RPA3: variants seen among roughly 807,000 people sequenced by gnomAD.
RPA3 encodes replication protein A3.
Under a neutral mutation model 13.7 loss-of-function variants are expected in RPA3, and 24 were observed. The observed-to-expected ratio is 1.75, with a 90% confidence interval of 1.27 to 2.46. The LOEUF is 2.46. Ranked by LOEUF, RPA3 falls within the 30% of genes most tolerant of loss-of-function variation. The pLI is 0.00. For synonymous variants in RPA3, 59 were observed against 51.2 expected (o/e 1.15, Z -0.65); for missense variants, 183 against 151.0 (o/e 1.21, Z -1.11).
At chr7:7,639,438 C>T (rs1029537179) in intron 5 of RPA3, among the ~76,000 whole-genome samples, 1 of 152,142 alleles carries the variant, frequency 6.6e-6, no homozygotes, top group East Asian at 1.9e-4. Flanking sequence ...AGGATGCCCA[C>T]CCTAAAAGTG....
chr7:7,673,403 C>A, intron 4 of RPA3: 1 of 1,119,798 alleles, frequency 8.9e-7, no homozygotes, highest in Non-Finnish European at 1.3e-6. Context: ...CCTCCGGAAT[C>A]TAAAAAGCCC....
intron 4 of RPA3, among the ~76,000 whole-genome samples, chr7:7,666,061 G>A (rs923885323): frequency 1.3e-5 from 2 of 152,074 alleles, no homozygotes; most frequent in African/African-American, 4.8e-5. Flanking sequence ...ATATGTTTAT[G>A]TTTTTAAGAA....
chr7:7,674,809 A>G (rs1253897651), intron 4 of RPA3, among the ~76,000 whole-genome samples: 3 of 152,204 alleles, frequency 2.0e-5, no homozygotes. Context: ...TAGCCTCGCT[A>G]ACAGAAAACT....
At chr7:7,671,305 T>A (rs1405681539) in intron 4 of RPA3, among the ~76,000 whole-genome samples, 1 of 152,216 alleles carries the variant, frequency 6.6e-6, no homozygotes, top group Admixed American at 6.5e-5. Flanking sequence ...CCCTCTTCTC[T>A]TTATTTATTT....
rs190109494 is a variant in RPA3, at chr7:7,665,782, A to T, written c.-758+20048T>A. On this transcript the variant is annotated intron_variant, in intron 4 of 7. Transcript: ENST00000223129. Reference sequence around the variant, plus strand: ...TTGAGAAGCTTATATAAATGGAATCATATAGTATGAACTTTTATATTGTCT... The same window carrying T: ...TTGAGAAGCTTATATAAATGGAATCTTATAGTATGAACTTTTATATTGTCT... 3.1e-3 allele frequency among the ~76,000 whole-genome samples: 461 copies of T among 150,544 alleles called. 3 individuals carry two copies. The highest frequency in any genetic ancestry group is 0.025 in the South Asian group (119 of 4,760).
chr7:7,691,162 T>A (rs2115136720), intron 2 of RPA3, among the ~76,000 whole-genome samples: 1 of 152,300 alleles, frequency 6.6e-6, no homozygotes, highest in South Asian at 2.1e-4. Context: ...GCTGATGGAA[T>A]TTTAGGTTTT....
chr7:7,685,947 G>C lies in RPA3; in HGVS notation c.-875C>G, dbSNP rs954505031. The C allele has an allele frequency of 6.6e-6, 1 of 152,112 alleles. No homozygotes were observed. Among genetic ancestry groups the C allele is most frequent in the Admixed American group, 6.6e-5 (1 of 15,266 alleles). The allele number at this position is 152,112 out of a possible 1,614,324, so 9.4% of individuals were successfully genotyped here. ...TTCTTGAGCACTTTCTCTATCCCAGGTGCTCTCCTGCTTGGTTAGGGATGC... is the reference window on the plus strand; with the variant it reads ...TTCTTGAGCACTTTCTCTATCCCAGCTGCTCTCCTGCTTGGTTAGGGATGC... On this transcript the variant is annotated 5_prime_UTR_variant, in exon 4 of 8. Coordinates refer to ENST00000223129, the MANE Select transcript of RPA3 (RefSeq NM_002947.5).
intron 2 of RPA3, among the ~76,000 whole-genome samples, chr7:7,713,654 G>A (rs1032347726): frequency 1.3e-5 from 2 of 151,318 alleles, no homozygotes; most frequent in Non-Finnish European, 2.9e-5. Context: ...GTTTCATTTT[G>A]ACTTTTTAAG....
chr7:7,704,779 A>AT (rs1288708430), intron 2 of RPA3, among the ~76,000 whole-genome samples: 1 of 149,772 alleles, frequency 6.7e-6, no homozygotes, highest in Non-Finnish European at 1.5e-5. Flanking sequence ...AAAAAAAAAA[A>AT]AAAAAAAAAA....
At chr7:7,689,873 G>T (rs1213115882) in intron 2 of RPA3, among the ~76,000 whole-genome samples, 2 of 152,170 alleles carry the variant, frequency 1.3e-5, no homozygotes, top group African/African-American at 4.8e-5. Flanking sequence ...CTACAAAGCA[G>T]CTAGTGATTA....
chr7:7,676,317 T>C (rs1273692642), intron 4 of RPA3: 1 of 393,936 alleles, frequency 2.5e-6, no homozygotes, highest in Non-Finnish European at 4.5e-6. Flanking sequence ...GTGTGTAAAA[T>C]GTTTAGAAAA....
intron 4 of RPA3, among the ~76,000 whole-genome samples, chr7:7,665,021 A>T (rs1445279340): frequency 2.6e-5 from 4 of 152,188 alleles, no homozygotes; most frequent in Admixed American, 6.5e-5. Context: ...ATATACACAC[A>T]CACACACATT....
intron 4 of RPA3, chr7:7,673,545 T>G (rs1779665130): frequency 9.3e-6 from 6 of 647,168 alleles, no homozygotes; most frequent in Non-Finnish European, 1.4e-5. Flanking sequence ...AAATTATTTC[T>G]TATAATTTCA....
rs1785089383 is a variant in RPA3, at chr7:7,646,169, C to T, written c.-757-4994G>A. ...GTCAGTGTGACAGCCTTTTTGGGTTCCCACACCCAGTGCATCCTGAATTCT... is the reference window on the plus strand; with the variant it reads ...GTCAGTGTGACAGCCTTTTTGGGTTTCCACACCCAGTGCATCCTGAATTCT... On this transcript the variant is annotated intron_variant, in intron 4 of 7. Coordinates refer to ENST00000223129, the MANE Select transcript of RPA3 (RefSeq NM_002947.5). Among the ~76,000 whole-genome samples, 4 of 152,030 alleles carry T rather than the reference C, an allele frequency of 2.6e-5. No individual in the cohort carries two copies. In the South Asian group the frequency reaches 8.3e-4, roughly 31 times the overall value.
At chr7:7,699,777 C>CTAAAA (rs1280513581) in intron 2 of RPA3, among the ~76,000 whole-genome samples, 1 of 152,170 alleles carries the variant, frequency 6.6e-6, no homozygotes, top group Non-Finnish European at 1.5e-5. Flanking sequence ...ATGCCTTACA[C>CTAAAA]ATATTAAGTT....
intron 2 of RPA3, among the ~76,000 whole-genome samples, chr7:7,706,401 A>G (rs978730219): frequency 6.6e-6 from 1 of 152,190 alleles, no homozygotes; most frequent in African/African-American, 2.4e-5. Context: ...AGTTCAGGAA[A>G]TACCAACAGA....
intron 4 of RPA3, among the ~76,000 whole-genome samples, chr7:7,658,377 T>A (rs62452509): frequency 0.058 from 8,876 of 152,320 alleles, 338 homozygotes; most frequent in Middle Eastern, 0.13. Context: ...GAGGGCATCC[T>A]TGCCTTGTGC....
intron 3 of RPA3, among the ~76,000 whole-genome samples, chr7:7,686,917 A>G (rs1759835040): frequency 6.6e-6 from 1 of 152,160 alleles, no homozygotes; most frequent in Non-Finnish European, 1.5e-5. Context: ...CTTATCCTGG[A>G]ATGTGGATAT....
chr7:7,670,977 A>T (rs1779591096), intron 4 of RPA3, among the ~76,000 whole-genome samples: 1 of 151,920 alleles, frequency 6.6e-6, no homozygotes, highest in Non-Finnish European at 1.5e-5. Flanking sequence ...CCCTGTTGGA[A>T]TTTTTTCCTT....
Sources: gnomAD v4.1 joint callset for allele counts (sites outside exome capture counted in the v4.1 genomes callset) on GRCh38, gnomAD v4.1.1 for gene constraint, MANE v1.5 for transcripts, NCBI Gene and HGNC (gene_info 2026-07-23, HGNC 2026-07-21) for gene names.